SGO2: variants seen among roughly 807,000 people sequenced by gnomAD.
SGO2 encodes shugoshin 2.
A neutral mutation model predicts 99.5 loss-of-function variants in SGO2; 68 were observed. The ratio of observed to expected loss-of-function variants is 0.68; its 90% CI spans 0.56 to 0.84. The LOEUF (loss-of-function observed/expected upper bound fraction) is 0.84. SGO2 is among the 40% of genes least tolerant of loss of function. The pLI, the probability that SGO2 is intolerant of heterozygous loss-of-function variation, is 0.00. For synonymous variants in SGO2, 457 were observed against 487.1 expected (o/e 0.94, Z 0.81); for missense variants, 1,350 against 1,436.7 (o/e 0.94, Z 0.97).
intron 5 of SGO2, among the ~76,000 whole-genome samples, chr2:200,551,801 G>A (rs2032495156): frequency 6.6e-6 from 1 of 151,994 alleles, no homozygotes; most frequent in South Asian, 2.1e-4. Flanking sequence ...CAAGGAGACT[G>A]GATATGAATG....
chr2:200,529,527 G>GT (rs368469794), intron 1 of SGO2, among the ~76,000 whole-genome samples: 4 of 134,238 alleles, frequency 3.0e-5, no homozygotes, highest in Non-Finnish European at 5.1e-5. Flanking sequence ...TTTGTTTTTT[G>GT]TTTTTTTGTT....
At chr2:200,576,207 C>T in intron 8 of SGO2, 1 of 226,012 alleles carries the variant, frequency 4.4e-6, no homozygotes, top group Non-Finnish European at 8.8e-6. Flanking sequence ...AAATTAAGGA[C>T]CAAGGGGCCT....
At position 200,572,982 on chromosome 2, in the gene SGO2, A is replaced by C; in HGVS notation, c.2636A>C (p.Asp879Ala). The C allele has an allele frequency of 6.3e-7, 1 of 1,592,314 alleles. No individual in the cohort carries two copies. The highest frequency in any genetic ancestry group is 8.5e-7 in the Non-Finnish European group (1 of 1,172,674). Residue 879 changes from aspartate to alanine, a missense_variant, in exon 7 of 9, where the codon GAC (aspartate) becomes GCC (alanine). Asp to Ala is a moderately radical substitution (Grantham distance 126). Transcript: ENST00000357799. ...IKDNGNLCDY[D>A]TQNILELKKY... ...GATAATGGAAATTTATGTGATTATG[A>C]CACCCAGAATATATTGGAGTTGAAA...
intron 5 of SGO2, among the ~76,000 whole-genome samples, chr2:200,548,269 A>T (rs190788575): frequency 4.5e-4 from 69 of 152,132 alleles, no homozygotes; most frequent in African/African-American, 1.6e-3. Flanking sequence ...TATAAATCAT[A>T]TCTGGTATCT....
chr2:200,527,647 A>G (rs145616490), intron 1 of SGO2, among the ~76,000 whole-genome samples: 2 of 152,310 alleles, frequency 1.3e-5, no homozygotes, highest in South Asian at 2.1e-4. Flanking sequence ...CGGTTTTTCT[A>G]TTGGAAAGTT....
At chr2:200,527,913 G>T (rs2031180985) in intron 1 of SGO2, among the ~76,000 whole-genome samples, 1 of 152,180 alleles carries the variant, frequency 6.6e-6, no homozygotes, top group Admixed American at 6.5e-5. Context: ...AAGTAGTTTG[G>T]ACTGGGAAGG....
chr2:200,529,108 A>G (rs2031241871), intron 1 of SGO2, among the ~76,000 whole-genome samples: 1 of 152,210 alleles, frequency 6.6e-6, no homozygotes, highest in South Asian at 2.1e-4. Context: ...TGGAGACATC[A>G]AGTATAGACA....
intron 5 of SGO2, among the ~76,000 whole-genome samples, chr2:200,558,985 T>C (rs2106330672): frequency 6.6e-6 from 1 of 152,274 alleles, no homozygotes; most frequent in Admixed American, 6.5e-5. Flanking sequence ...GTATATTTTA[T>C]AGAGACAGGG....
chr2:200,570,513 C>T lies in SGO2; in HGVS notation c.704-537C>T, dbSNP rs1444856513. On this transcript the variant is annotated intron_variant, in intron 6 of 8. Transcript: ENST00000357799. The surrounding 1 kb of genome is among the most constrained non-coding windows in gnomAD (Gnocchi z 4.4). ...GTGTGTGTGTGTGTGTGTGTGTGGGCATATGTATATGTATATAATATATAC... is the reference window on the plus strand; with the variant it reads ...GTGTGTGTGTGTGTGTGTGTGTGGGTATATGTATATGTATATAATATATAC... Among the ~76,000 whole-genome samples, 2 of 79,412 alleles carry T rather than the reference C, an allele frequency of 2.5e-5. No homozygotes were observed. The highest frequency in any genetic ancestry group is 8.8e-5 in the African/African-American group (2 of 22,738). The allele number at this position is 79,412 out of a possible 152,430, so 52.1% of individuals were successfully genotyped here. A position where few individuals can be genotyped will look rare whatever the true frequency, so the allele number is the denominator to read the frequency against.
intron 5 of SGO2, among the ~76,000 whole-genome samples, chr2:200,569,271 A>G (rs747206246): frequency 6.6e-6 from 1 of 152,234 alleles, no homozygotes; most frequent in East Asian, 1.9e-4. Flanking sequence ...AAACAATTAC[A>G]TTTGCTAGAA....
Position 200,573,732 on chromosome 2 carries a change from C to G in SGO2, c.3386C>G (p.Pro1129Arg). The G allele has an allele frequency of 6.2e-7, 1 of 1,612,182 alleles. No individual in the cohort carries two copies. Among genetic ancestry groups the G allele is most frequent in the Non-Finnish European group, 8.5e-7 (1 of 1,179,248 alleles). The change falls in exon 7 of 9, where the codon CCA becomes CGA. Residue 1129 changes from proline (P) to arginine (R), a missense_variant. Physicochemically the swap from Pro to Arg is moderately radical, Grantham distance 103. Coordinates refer to ENST00000357799, the MANE Select transcript of SGO2 (RefSeq NM_152524.6). ...AATGAGAAAATGGTCAAAAATAAGC[C>G]AGACTTTTACACAAAGGCATTTAGA... Reference protein sequence around the residue: ...LENEKMVKNKPDFYTKAFRSL... With the variant: ...LENEKMVKNKRDFYTKAFRSL...
intron 5 of SGO2, among the ~76,000 whole-genome samples, chr2:200,557,354 C>A (rs560697653): frequency 6.6e-6 from 1 of 152,266 alleles, no homozygotes; most frequent in East Asian, 1.9e-4. Flanking sequence ...GCCTCTAACC[C>A]AATCCCATCC....
intron 1 of SGO2, among the ~76,000 whole-genome samples, chr2:200,531,044 A>G (rs2031349925): frequency 6.6e-6 from 1 of 152,176 alleles, no homozygotes; most frequent in East Asian, 1.9e-4. Context: ...TATTGATGAG[A>G]ATGGTCCAGT....
intron 7 of SGO2, among the ~76,000 whole-genome samples, chr2:200,574,195 C>T (rs2033569419): frequency 6.6e-6 from 1 of 152,018 alleles, no homozygotes; most frequent in Admixed American, 6.5e-5. Flanking sequence ...ACATTTACAA[C>T]TATAAATGGA....
intron 8 of SGO2, chr2:200,576,045 ATC>A: frequency 2.5e-6 from 1 of 392,232 alleles, no homozygotes; most frequent in Non-Finnish European, 4.9e-6. Flanking sequence ...ACTTCGATAT[ATC>A]TCTCTCTAAA....
chr2:200,561,846 A>G (rs1431758512), intron 5 of SGO2, among the ~76,000 whole-genome samples: 1 of 152,210 alleles, frequency 6.6e-6, no homozygotes, highest in Non-Finnish European at 1.5e-5. Context: ...TGTTGGCTGC[A>G]TAAATGTCTT....
intron 5 of SGO2, among the ~76,000 whole-genome samples, chr2:200,551,692 T>C (rs2106324255): frequency 6.6e-6 from 1 of 152,210 alleles, no homozygotes; most frequent in East Asian, 1.9e-4. Flanking sequence ...GGAAGGGTCA[T>C]AATTTTTTTT....
chr2:200,582,798 A>C (rs1265054938), intron 8 of SGO2, among the ~76,000 whole-genome samples: 5 of 152,170 alleles, frequency 3.3e-5, no homozygotes, highest in Admixed American at 3.3e-4. Context: ...CAGCAATCAG[A>C]CACAGAATAT....
intron 1 of SGO2, among the ~76,000 whole-genome samples, chr2:200,527,407 G>T (rs1407218044): frequency 6.6e-6 from 1 of 152,172 alleles, no homozygotes; most frequent in Non-Finnish European, 1.5e-5. Context: ...GCAACAGTTT[G>T]TGGGGAGTTT....
Sources: gnomAD v4.1 joint callset for allele counts (sites outside exome capture counted in the v4.1 genomes callset) on GRCh38, gnomAD v4.1.1 for gene constraint, Gnocchi (gnomAD v3.1) non-coding constraint, MANE v1.5 for transcripts, NCBI Gene and HGNC (gene_info 2026-07-23, HGNC 2026-07-21) for gene names.